The following EML4 variants were observed in gnomAD, a reference collection of about 807,000 sequenced individuals.
The protein encoded by EML4 is echinoderm microtubule-associated protein-like 4.
In EML4, 72 loss-of-function variants were observed where a neutral mutation model predicts 129.0. That is an observed-to-expected ratio of 0.56 (90% CI 0.46 to 0.68). The LOEUF is 0.68. EML4 is among the 30% of genes least tolerant of loss of function. The pLI is 0.00. For missense variants in EML4, 1,363 were observed against 1,190.6 expected (o/e 1.14, Z -2.13); for synonymous variants, 532 against 405.0 (o/e 1.31, Z -3.77).
chr2:42,278,023 T>G (rs1308882584), intron 6 of EML4, among the ~76,000 whole-genome samples: 3 of 152,260 alleles, frequency 2.0e-5, no homozygotes, highest in Non-Finnish European at 4.4e-5. Context: ...ATCCTAAGGT[T>G]GTATCAGCCT....
chr2:42,299,390 C>T (rs758862381), intron 13 of EML4, among the ~76,000 whole-genome samples: 1 of 152,212 alleles, frequency 6.6e-6, no homozygotes, highest in Non-Finnish European at 1.5e-5. Context: ...ATATAATTCA[C>T]ATACCATGAA....
intron 2 of EML4, 41 bp downstream of exon 2, chr2:42,245,728 A>G: frequency 1.3e-6 from 2 of 1,496,262 alleles, no homozygotes; most frequent in Non-Finnish European, 1.8e-6. Context: ...TGCTTTTTGC[A>G]ATATTTTCTT....
intron 1 of EML4, among the ~76,000 whole-genome samples, chr2:42,244,088 GTTTTTGTTTTTTGTTTTTTTTT>G (rs1558534163): frequency 9.5e-5 from 6 of 62,998 alleles, no homozygotes; most frequent in Non-Finnish European, 2.1e-4. Flanking sequence ...TTTGTTTTTT[GTTTTTGTTTTTTGTTTTTTTTT>G]TTTTTTTGAG....
intron 17 of EML4, among the ~76,000 whole-genome samples, chr2:42,311,364 C>T (rs1239807423): frequency 2.6e-5 from 4 of 152,000 alleles, no homozygotes; most frequent in Admixed American, 2.0e-4. Context: ...CCTCGGAGTT[C>T]GAGACCAGCA....
In EML4 at chr2:42,280,238, C is replaced by T. The variant is rs191987319; in HGVS notation, c.668-612C>T. Among the ~76,000 whole-genome samples the T allele has an allele frequency of 2.6e-3, 397 of 152,304 alleles. 1 individual carries two copies. The highest frequency in any genetic ancestry group is 4.1e-3 in the Non-Finnish European group (277 of 68,018). ...CTTTAGCATTTTTCTACTCAGCCTT[C>T]CTGGACTTCTTGTAGAAATGTGTCA... On this transcript the variant is annotated intron_variant, in intron 6 of 22. Coordinates refer to ENST00000318522, the MANE Select transcript of EML4 (RefSeq NM_019063.5).
At chr2:42,308,227 G>GCACA in intron 17 of EML4, among the ~76,000 whole-genome samples, 1 of 152,160 alleles carries the variant, frequency 6.6e-6, no homozygotes, top group Non-Finnish European at 1.5e-5. Flanking sequence ...ATGCTGCAGG[G>GCACA]CACAGTGGCT....
At chr2:42,209,935 CAAAA>C (rs1160128400) in intron 1 of EML4, among the ~76,000 whole-genome samples, 110 of 148,712 alleles carry the variant, frequency 7.4e-4, no homozygotes, top group Admixed American at 2.4e-3. Flanking sequence ...GTCTCAAAAC[CAAAA>C]AAACAAACAA....
intron 1 of EML4, among the ~76,000 whole-genome samples, chr2:42,228,994 G>A (rs1211241115): frequency 6.6e-6 from 1 of 152,102 alleles, no homozygotes; most frequent in Non-Finnish European, 1.5e-5. Flanking sequence ...GAAATTTAGT[G>A]AGTAAACAAA....
intron 19 of EML4, 61 bp downstream of exon 19, chr2:42,317,585 A>G (rs1023469124): frequency 3.6e-5 from 40 of 1,112,526 alleles, no homozygotes; most frequent in Non-Finnish European, 5.1e-5. Flanking sequence ...CGTTAAAAAC[A>G]AATTTTTACA....
At chr2:42,293,219 CCAGCCT>C (rs1335650685) in intron 11 of EML4, among the ~76,000 whole-genome samples, 2 of 151,818 alleles carry the variant, frequency 1.3e-5, no homozygotes, top group Non-Finnish European at 2.9e-5. Context: ...AATGAATCCT[CCAGCCT>C]CAGCCTCCCA....
intron 1 of EML4, among the ~76,000 whole-genome samples, chr2:42,204,452 G>A (rs901500000): frequency 2.0e-5 from 3 of 152,140 alleles, no homozygotes; most frequent in African/African-American, 7.2e-5. Flanking sequence ...CATCTCCAGT[G>A]GGACTATTCC....
At chr2:42,210,110 T>C (rs929933694) in intron 1 of EML4, among the ~76,000 whole-genome samples, 12 of 152,196 alleles carry the variant, frequency 7.9e-5, no homozygotes, top group Admixed American at 1.3e-4. Context: ...AATAACACAT[T>C]GTATTAACTA....
intron 13 of EML4, among the ~76,000 whole-genome samples, chr2:42,298,719 A>G (rs1668093777): frequency 6.6e-6 from 1 of 151,806 alleles, no homozygotes; most frequent in South Asian, 2.1e-4. Flanking sequence ...GTTTTCCATC[A>G]TTCTGGGAGG....
rs199562312 is a variant in EML4 at position 42,169,635 on chromosome 2, C to A, written c.24C>A (p.Leu8=). MDGFAGS[L]DDSISAASTS... is the part of the protein sequence containing the mutation. ...AGATGGACGGTTTCGCCGGCAGTCT[C>A]GGTGAGTACGGCTGGGGAGTCCTGC... The change falls in exon 1 of 23, where the codon CTC becomes CTA. Residue 8 remains leucine (L), a splice_region_variant and synonymous_variant. Transcript: ENST00000318522. 3.4e-5 allele frequency: 55 copies of A among 1,602,894 alleles called. No individual in the cohort carries two copies. In the African/African-American group the frequency reaches 5.7e-4, roughly 16 times the overall value.
At chr2:42,260,979 G>C (rs1158296254) in intron 3 of EML4, 142 bp from the exon 4 acceptor site, 2 of 591,766 alleles carry the variant, frequency 3.4e-6, no homozygotes, top group African/African-American at 3.6e-5. Flanking sequence ...AAGAAATATT[G>C]TCCTTATTGA....
chr2:42,181,279 G>T (rs1670922708), intron 1 of EML4, among the ~76,000 whole-genome samples: 1 of 152,066 alleles, frequency 6.6e-6, no homozygotes, highest in East Asian at 1.9e-4. Flanking sequence ...TATGGACTCA[G>T]GTTTCTTATT....
At chr2:42,180,804 A>G (rs1452881023) in intron 1 of EML4, among the ~76,000 whole-genome samples, 1 of 152,242 alleles carries the variant, frequency 6.6e-6, no homozygotes, top group Non-Finnish European at 1.5e-5. Flanking sequence ...TTTTATAGCA[A>G]AAAGATCTAG....
chr2:42,287,974 G>A (rs1278818994), intron 10 of EML4, among the ~76,000 whole-genome samples: 2 of 152,122 alleles, frequency 1.3e-5, no homozygotes, highest in African/African-American at 4.8e-5. Flanking sequence ...AATAATAGGA[G>A]TGACTAGATG....
intron 6 of EML4, among the ~76,000 whole-genome samples, chr2:42,276,086 T>A (rs1384749450): frequency 6.6e-6 from 1 of 152,102 alleles, no homozygotes; most frequent in African/African-American, 2.4e-5. Flanking sequence ...TGACAATGAC[T>A]GGGGAGAAAA....
Sources: allele counts gnomAD v4.1 joint callset (sites outside exome capture counted in the v4.1 genomes callset), GRCh38; gene constraint gnomAD v4.1.1; transcripts MANE v1.5; gene names NCBI Gene and HGNC (gene_info 2026-07-23, HGNC 2026-07-21).